PI4KB: variants seen among roughly 807,000 people sequenced by gnomAD.
PI4KB encodes PtdIns 4-kinase beta.
PI4KB carries 23 observed loss-of-function variants against 81.4 expected under a neutral mutation model. The ratio of observed to expected loss-of-function variants is 0.28; its 90% CI spans 0.20 to 0.40. PI4KB has a LOEUF of 0.40. Ranked by LOEUF, PI4KB falls within the 10% of genes least tolerant of loss-of-function variation. The probability of loss-of-function intolerance (pLI) is 1.00; values close to 1 mark genes in which losing one functional copy is unlikely to be tolerated. For synonymous variants in PI4KB, 381 were observed against 406.8 expected (o/e 0.94, Z 0.76); for missense variants, 651 against 1,036.6 (o/e 0.63, Z 5.11).
At chr1:151,327,216 A>ACCGGGGCCCCCCCCC in intron 1 of PI4KB, 55 bp downstream of exon 1, 1 of 103,988 alleles carries the variant, frequency 9.6e-6, no homozygotes, top group East Asian at 3.0e-4. Flanking sequence ...TGGGAGAGGG[A>ACCGGGGCCCCCCCCC]CCCCCCCCCC....
At chr1:151,310,407 A>C (rs1431297414) in intron 2 of PI4KB, 152 bp from the exon 3 acceptor site, 1 of 627,230 alleles carries the variant, frequency 1.6e-6, no homozygotes, top group Non-Finnish European at 2.9e-6. Context: ...TCAACTCAGA[A>C]ATGCTACTTG....
intron 2 of PI4KB, among the ~76,000 whole-genome samples, chr1:151,310,755 A>C (rs1489769077): frequency 2.0e-5 from 3 of 152,098 alleles, no homozygotes; most frequent in African/African-American, 7.2e-5. Context: ...GGAGGAAGAA[A>C]AGCTAAACTT....
chr1:151,318,654 G>A (rs1433474156), intron 1 of PI4KB, among the ~76,000 whole-genome samples: 1 of 152,080 alleles, frequency 6.6e-6, no homozygotes, highest in Non-Finnish European at 1.5e-5. Context: ...AGAGGTTGTG[G>A]TGAGCCGAGA....
At position 151,316,424 on chromosome 1, in the gene PI4KB, C is replaced by T; in HGVS notation, c.58G>A (p.Gly20Ser). The T allele has an allele frequency of 6.3e-7, 1 of 1,581,908 alleles. No individual in the cohort carries two copies. Among genetic ancestry groups the T allele is most frequent in the Non-Finnish European group, 8.6e-7 (1 of 1,164,452 alleles). The change falls in exon 2 of 12, where the codon GGC becomes AGC. Residue 20 changes from glycine to serine, a missense_variant. By Grantham distance (56) the Gly-to-Ser change is moderately conservative. Coordinates refer to ENST00000368873, the MANE Select transcript of PI4KB (RefSeq NM_001369623.2). Reference sequence around the variant, plus strand: ...GACCCCCCATTATTCCCTGGTGGGCCAGAAGTGGGCTCAGAAGTTGGCTTC... The same window carrying T: ...GACCCCCCATTATTCCCTGGTGGGCTAGAAGTGGGCTCAGAAGTTGGCTTC... ...PLKPTSEPTS[G>S]PPGNNGGSLL... is the part of the protein sequence containing the mutation.
intron 3 of PI4KB, 107 bp from the exon 4 acceptor site, chr1:151,307,908 G>C: frequency 1.3e-6 from 1 of 788,340 alleles, no homozygotes. Context: ...CCACTATCTG[G>C]AGAACTCCAG....
Position 151,310,104 on chromosome 1 carries a change from G to A in PI4KB, c.954+107C>T, listed in dbSNP as rs1696087948. 8 of 752,090 alleles carry A rather than the reference G, an allele frequency of 1.1e-5. No homozygotes were observed. In the Admixed American group the frequency reaches 1.7e-4, roughly 16 times the overall value. The allele number at this position is 752,090 out of a possible 1,614,324, so 46.6% of individuals were successfully genotyped here. A position where few individuals can be genotyped will look rare whatever the true frequency, so the allele number is the denominator to read the frequency against. On this transcript the variant is annotated intron_variant, in intron 3 of 11. Coordinates refer to ENST00000368873, the MANE Select transcript of PI4KB (RefSeq NM_001369623.2). ...AGCTGATCTCCCAGTAAGAAAAGGG[G>A]CATTTTAACTCCAGCCTTGGCCTGG...
intron 2 of PI4KB, among the ~76,000 whole-genome samples, chr1:151,312,919 A>G (rs587757934): frequency 6.6e-6 from 1 of 152,328 alleles, no homozygotes; most frequent in Non-Finnish European, 1.5e-5. Context: ...TTGGGAGGCT[A>G]AGATGGGAGG....
chr1:151,307,575 T>TTGTCCTTG lies in PI4KB; in HGVS notation c.1173_1180dup (p.Lys394ThrfsTer8), dbSNP rs1366707747. The TTGTCCTTG allele has an allele frequency of 6.2e-7, 1 of 1,609,938 alleles. No homozygotes were observed. Among genetic ancestry groups the TTGTCCTTG allele is most frequent in the Non-Finnish European group, 8.5e-7 (1 of 1,176,212 alleles). ...GGGTTTGGGCCAGAACCCATCTACCTTGTCCTTGGAGTTGAGGACAACAGC... is the reference window on the plus strand; with the variant it reads ...GGGTTTGGGCCAGAACCCATCTACCTTGTCCTTGTGTCCTTGGAGTTGAGGACAACAGC... On this transcript the variant is annotated frameshift_variant and splice_region_variant, in exon 4 of 12. Coordinates refer to ENST00000368873, the MANE Select transcript of PI4KB (RefSeq NM_001369623.2). LOFTEE classifies it high-confidence loss of function.
At chr1:151,326,684 G>C (rs1649654289) in intron 1 of PI4KB, among the ~76,000 whole-genome samples, 1 of 152,182 alleles carries the variant, frequency 6.6e-6, no homozygotes, top group Admixed American at 6.5e-5. Flanking sequence ...TTGATGACAA[G>C]GGCCCGAGAT....
In PI4KB at chr1:151,306,120, C is replaced by T. The variant is rs1196224938; in HGVS notation, c.1410+16G>A. 3 of 1,598,468 alleles carry T rather than the reference C, an allele frequency of 1.9e-6. No homozygotes were observed. The highest frequency in any genetic ancestry group is 2.6e-6 in the Non-Finnish European group (3 of 1,165,886). On this transcript the variant is annotated intron_variant, in intron 5 of 11. Coordinates refer to ENST00000368873, the MANE Select transcript of PI4KB (RefSeq NM_001369623.2). Reference sequence around the variant, plus strand: ...AGCTCCTGTGACCCAGCATTACCTCCCTGAAGCCCTCTCACCTCCACTTGC... The same window carrying T: ...AGCTCCTGTGACCCAGCATTACCTCTCTGAAGCCCTCTCACCTCCACTTGC...
intron 9 of PI4KB, among the ~76,000 whole-genome samples, chr1:151,296,296 GC>G (rs1361135495): frequency 1.3e-5 from 2 of 152,104 alleles, no homozygotes; most frequent in Non-Finnish European, 2.9e-5. Flanking sequence ...CAAATGCAGA[GC>G]CTGGGTCCAT....
At chr1:151,326,543 C>G (rs906607093) in intron 1 of PI4KB, among the ~76,000 whole-genome samples, 2 of 152,156 alleles carry the variant, frequency 1.3e-5, no homozygotes, top group African/African-American at 4.8e-5. Flanking sequence ...CCCCTACAGA[C>G]AGAAACCTCT....
At chr1:151,307,129 T>C (rs1277742815) in intron 4 of PI4KB, among the ~76,000 whole-genome samples, 1 of 152,106 alleles carries the variant, frequency 6.6e-6, no homozygotes, top group Non-Finnish European at 1.5e-5. Context: ...GCACACAAAT[T>C]CAGCTAATTC....
At chr1:151,315,541 C>A in intron 2 of PI4KB, 32 bp downstream of exon 2, 1 of 1,507,022 alleles carries the variant, frequency 6.6e-7, no homozygotes. Context: ...CCCTCTACCA[C>A]CTTTTGTCTC....
rs750506235 is a variant in PI4KB at position 151,306,558 on chromosome 1, A to T, written c.1183-195T>A. ...CACCTATGTAAAGAATTTGTGTGAC[A>T]GAATCCTTAAGTCTTCAAAATATTT... On this transcript the variant is annotated intron_variant, in intron 4 of 11. Coordinates refer to ENST00000368873, the MANE Select transcript of PI4KB (RefSeq NM_001369623.2). 1.0e-3 allele frequency: 613 copies of T among 586,500 alleles called. 3 individuals carry two copies. The highest frequency in any genetic ancestry group is 1.8e-3 in the Middle Eastern group (4 of 2,196). The allele number at this position is 586,500 out of a possible 1,614,324, so 36.3% of individuals were successfully genotyped here.
At chr1:151,313,034 G>A (rs587644587) in intron 2 of PI4KB, among the ~76,000 whole-genome samples, 2 of 151,784 alleles carry the variant, frequency 1.3e-5, no homozygotes, top group South Asian at 2.1e-4. Flanking sequence ...AAGGGCGGAC[G>A]GACAGACAGA....
intron 1 of PI4KB, chr1:151,326,143 A>C: frequency 6.2e-7 from 1 of 1,610,342 alleles, no homozygotes; most frequent in Non-Finnish European, 8.5e-7. Context: ...AAAGCCTAAA[A>C]TTAAATAATC....
chr1:151,311,693 C>A (rs1444946729), intron 2 of PI4KB, among the ~76,000 whole-genome samples: 2 of 152,200 alleles, frequency 1.3e-5, no homozygotes, highest in Non-Finnish European at 2.9e-5. Flanking sequence ...CTGTCTGACT[C>A]ATTGACAGCC....
chr1:151,308,499 C>G (rs1170154947), intron 3 of PI4KB, among the ~76,000 whole-genome samples: 1 of 152,216 alleles, frequency 6.6e-6, no homozygotes, highest in African/African-American at 2.4e-5. Flanking sequence ...AAAGCAACAG[C>G]TCCTTTTAGC....
Sources: gnomAD v4.1 joint callset for allele counts (sites outside exome capture counted in the v4.1 genomes callset) on GRCh38, gnomAD v4.1.1 for gene constraint, MANE v1.5 for transcripts, NCBI Gene and HGNC (gene_info 2026-07-23, HGNC 2026-07-21) for gene names.